CGREF1: variants seen among roughly 807,000 people sequenced by gnomAD.
CGREF1 encodes the protein cell growth regulator with EF-hand domain 1, also known as cell growth regulator with EF hand domain protein 1.
Under a neutral mutation model 17.4 loss-of-function variants are expected in CGREF1, and 16 were observed. The observed-to-expected ratio is 0.92, with a 90% CI of 0.62 to 1.40. The LOEUF (loss-of-function observed/expected upper bound fraction) is 1.40, where lower values mean the gene tolerates loss of function less well. Among genes scored for constraint, CGREF1 ranks in the 40% most tolerant of loss-of-function variants. The probability of loss-of-function intolerance (pLI) is 0.00; values close to 1 mark genes in which losing one functional copy is unlikely to be tolerated. For synonymous variants in CGREF1, 142 were observed against 154.6 expected (o/e 0.92, Z 0.61); for missense variants, 296 against 376.4 (o/e 0.79, Z 1.77).
chr2:27,115,439 C>T (rs749444146), intron 1 of CGREF1, among the ~76,000 whole-genome samples: 1 of 152,194 alleles, frequency 6.6e-6, no homozygotes, highest in Non-Finnish European at 1.5e-5. Flanking sequence ...ATTTTTCTCA[C>T]TAAACTTCAG....
At chr2:27,114,548 A>G (rs897007886) in intron 1 of CGREF1, among the ~76,000 whole-genome samples, 3 of 152,190 alleles carry the variant, frequency 2.0e-5, no homozygotes, top group Admixed American at 2.0e-4. Flanking sequence ...TGGTGCTTAC[A>G]TGACTTCCAA....
At chr2:27,114,240 G>C (rs949032717) in intron 1 of CGREF1, among the ~76,000 whole-genome samples, 10 of 152,080 alleles carry the variant, frequency 6.6e-5, no homozygotes, top group African/African-American at 2.2e-4. Flanking sequence ...TGATCCGCCT[G>C]CCTCAGCCTC....
intron 1 of CGREF1, among the ~76,000 whole-genome samples, chr2:27,105,592 G>A (rs560907728): frequency 4.0e-5 from 6 of 151,612 alleles, no homozygotes; most frequent in African/African-American, 2.4e-5. Context: ...TGTCACCCAA[G>A]CTGGAGTGCA....
downstream of CGREF1, chr2:27,099,888 CTGTGT>C: frequency 1.9e-6 from 3 of 1,543,144 alleles, no homozygotes; most frequent in Non-Finnish European, 2.6e-6. Flanking sequence ...TGCCTGTGTC[CTGTGT>C]TCCCCACAGG....
chr2:27,106,320 GGAGTA>G (rs1173211015), intron 1 of CGREF1, among the ~76,000 whole-genome samples: 7 of 152,214 alleles, frequency 4.6e-5, no homozygotes, highest in African/African-American at 1.7e-4. Flanking sequence ...TTTTGCCTTA[GGAGTA>G]TCTGCCAAAC....
intron 1 of CGREF1, among the ~76,000 whole-genome samples, chr2:27,113,812 GC>G (rs1302852120): frequency 5.3e-5 from 8 of 152,040 alleles, no homozygotes; most frequent in African/African-American, 1.9e-4. Flanking sequence ...CATCTGCACG[GC>G]CCCACAGTGG....
In CGREF1 at chr2:27,104,327, G is replaced by C; in HGVS notation, c.40C>G (p.Leu14Val). Residue 14 changes from leucine to valine, a missense_variant, in exon 2 of 6, where the codon CTC becomes GTC. By Grantham distance (32) the Leu-to-Val change is conservative. Coordinates refer to ENST00000402394, the MANE Select transcript of CGREF1 (RefSeq NM_006569.6). ...TTTGGGGCAGCCTGACCCGTGGGGA[G>C]CAGCAGCAGGATTAACACTGTCATC... ...LTMTVLILLL[L>V]PTGQAAPKDG... 1 of 1,590,846 alleles carries C rather than the reference G, an allele frequency of 6.3e-7. No homozygotes were observed.
At chr2:27,110,579 T>TAC (rs1279998867) in intron 1 of CGREF1, 1 of 150,900 alleles carries the variant, frequency 6.6e-6, no homozygotes, top group Non-Finnish European at 1.5e-5. Context: ...AAATAAAAAA[T>TAC]ATATATATAC....
intron 2 of CGREF1, among the ~76,000 whole-genome samples, chr2:27,103,364 GTT>G (rs1460616535): frequency 1.6e-5 from 2 of 127,670 alleles, no homozygotes; most frequent in Non-Finnish European, 3.3e-5. Flanking sequence ...CTTCTTTGGT[GTT>G]GCCACCATAA....
chr2:27,102,642 C>T, intron 2 of CGREF1, 51 bp from the exon 3 acceptor site: 1 of 1,552,176 alleles, frequency 6.4e-7, no homozygotes, highest in Admixed American at 1.7e-5. Flanking sequence ...CCTCAGGGCC[C>T]AGCCTGCCAA....
chr2:27,102,486 G>A (rs776815307), intron 3 of CGREF1, 40 bp downstream of exon 3: 2 of 1,613,356 alleles, frequency 1.2e-6, no homozygotes, highest in South Asian at 2.2e-5. Flanking sequence ...CCCTGGGCCT[G>A]GTCTTCTCCC....
At chr2:27,109,904 A>G (rs1217949120) in intron 1 of CGREF1, among the ~76,000 whole-genome samples, 19 of 150,974 alleles carry the variant, frequency 1.3e-4, no homozygotes, top group Non-Finnish European at 2.4e-4. Flanking sequence ...AAAAAAAAAA[A>G]AAAAAAAGCA....
At chr2:27,116,864 A>G (rs1227823711) in intron 1 of CGREF1, among the ~76,000 whole-genome samples, 1 of 70,148 alleles carries the variant, frequency 1.4e-5, no homozygotes, top group Non-Finnish European at 3.2e-5. Flanking sequence ...CCACCAGGCC[A>G]GGCCTATTCT....
intron 1 of CGREF1, among the ~76,000 whole-genome samples, chr2:27,111,630 G>A (rs1000952001): frequency 3.9e-5 from 6 of 152,192 alleles, no homozygotes; most frequent in Admixed American, 6.5e-5. Context: ...CAGGCATGGC[G>A]GGCTGCAGGT....
In CGREF1 at chr2:27,107,947, AAAAG is replaced by A. The variant is rs1322863878; in HGVS notation, c.-11-3574_-11-3571del. ...AGACTCTGTCTCAAAAAAAAAAAAA[AAAAG>A]AAAGAAAGAAAGAAATAAGAGCATA... On this transcript the variant is annotated intron_variant, in intron 1 of 5. Transcript: ENST00000402394. Among the ~76,000 whole-genome samples, 11 of 148,392 alleles carry A rather than the reference AAAAG, an allele frequency of 7.4e-5. No homozygotes were observed. The East Asian group carries it at 9.8e-4, about 13-fold the overall frequency.
Position 27,101,069 on chromosome 2 carries a change from C to T in CGREF1, c.*205G>A. On this transcript the variant is annotated 3_prime_UTR_variant, in exon 6 of 6. Transcript: ENST00000402394. ...GCAGGCTGGACGGGTAGAGAGGTGG[C>T]CGGGGGGATGAATTCATTCAGTTCT... 1 of 1,230,740 alleles carries T rather than the reference C, an allele frequency of 8.1e-7. No individual in the cohort carries two copies. Among genetic ancestry groups the T allele is most frequent in the East Asian group, 3.2e-5 (1 of 31,584 alleles). 76.2% of individuals were successfully genotyped at this position (1,230,740 alleles called of 1,614,324 possible). A position where few individuals can be genotyped will look rare whatever the true frequency, so the allele number is the denominator to read the frequency against.
chr2:27,100,634 A>G lies in CGREF1; in HGVS notation c.*640T>C. The stretch of plus-strand genomic sequence containing the variant: ...CATTTAATTAGCTGCATATCACCTT[A>G]GGGTACAGCACTTAACGCAATCTGC... On this transcript the variant is annotated 3_prime_UTR_variant, in exon 6 of 6. Transcript: ENST00000402394. 1 of 1,133,082 alleles carries G rather than the reference A, an allele frequency of 8.8e-7. No individual in the cohort carries two copies. Among genetic ancestry groups the G allele is most frequent in the Non-Finnish European group, 1.2e-6 (1 of 862,168 alleles). 70.2% of individuals were successfully genotyped at this position (1,133,082 alleles called of 1,614,324 possible). A position where few individuals can be genotyped will look rare whatever the true frequency, so the allele number is the denominator to read the frequency against.
At position 27,102,508 on chromosome 2, in the gene CGREF1, C is replaced by A. The variant is rs763295531; in HGVS notation, c.146+18G>T. The A allele has an allele frequency of 1.1e-5, 18 of 1,613,938 alleles. No homozygotes were observed. Among genetic ancestry groups the A allele is most frequent in the Non-Finnish European group, 1.4e-5 (16 of 1,179,834 alleles). ...CCTGGTCTTCTCCCTGAAAGCACCC[C>A]CGGCCCACCCTACTCACCCGAGCTG... On this transcript the variant is annotated intron_variant, in intron 3 of 5. Coordinates refer to ENST00000402394, the MANE Select transcript of CGREF1 (RefSeq NM_006569.6).
Position 27,104,368 on chromosome 2 carries a change from C to G in CGREF1, c.-2G>C. ...CACTGTCATCGTCAAAGGTAACATCCTTCCTGGAACTGGAACAAGGAAGAG... is the reference window on the plus strand; with the variant it reads ...CACTGTCATCGTCAAAGGTAACATCGTTCCTGGAACTGGAACAAGGAAGAG... On this transcript the variant is annotated 5_prime_UTR_variant, in exon 2 of 6. Coordinates refer to ENST00000402394, the MANE Select transcript of CGREF1 (RefSeq NM_006569.6). 6.2e-7 allele frequency: 1 copy of G among 1,613,276 alleles called. No individual in the cohort carries two copies. The highest frequency in any genetic ancestry group is 8.5e-7 in the Non-Finnish European group (1 of 1,179,592).
Sources: gnomAD v4.1 joint callset for allele counts (sites outside exome capture counted in the v4.1 genomes callset) on GRCh38, gnomAD v4.1.1 for gene constraint, MANE v1.5 for transcripts, NCBI Gene and HGNC (gene_info 2026-07-23, HGNC 2026-07-21) for gene names.